The following FGF12 variants were observed in gnomAD, a reference collection of about 807,000 sequenced individuals.
FGF12 encodes fibroblast growth factor 12.
A neutral mutation model predicts 23.6 loss-of-function variants in FGF12; 14 were observed. That is an observed-to-expected ratio of 0.59 (90% CI 0.39 to 0.93). FGF12 has a LOEUF of 0.93. Among genes scored for constraint, FGF12 ranks in the 40% least tolerant of loss-of-function variants. The pLI is 0.00. For synonymous variants in FGF12, 62 were observed against 77.3 expected (o/e 0.80, Z 1.04); for missense variants, 175 against 217.8 (o/e 0.80, Z 1.24).
At chr3:192,463,270 A>G (rs1329363181) in intron 2 of FGF12, among the ~76,000 whole-genome samples, 1 of 152,036 alleles carries the variant, frequency 6.6e-6, no homozygotes, top group Non-Finnish European at 1.5e-5. Context: ...AATACAAAAA[A>G]TTAGCCAGGT....
At chr3:192,425,931 T>A (rs919537287) in intron 2 of FGF12, among the ~76,000 whole-genome samples, 17 of 152,226 alleles carry the variant, frequency 1.1e-4, no homozygotes, top group African/African-American at 4.1e-4. Context: ...ACTGTCTTAC[T>A]ACAACTTTCT....
intron 4 of FGF12, among the ~76,000 whole-genome samples, chr3:192,220,187 CAAGTCAT>C (rs755761736): frequency 6.6e-6 from 1 of 152,078 alleles, no homozygotes; most frequent in Non-Finnish European, 1.5e-5. Context: ...GAATGCAAGC[CAAGTCAT>C]AAACTCATTC....
rs188964725 is a variant in FGF12, at chr3:192,440,472, T to C, written c.14-79934A>G. ...GGGAGAGCAACAATGTGTCAACGTTTCTGGAATAAATGTATAGTGTGATAC... is the reference window on the plus strand; with the variant it reads ...GGGAGAGCAACAATGTGTCAACGTTCCTGGAATAAATGTATAGTGTGATAC... On this transcript the variant is annotated intron_variant, in intron 2 of 5. Coordinates refer to ENST00000445105, the MANE Select transcript of FGF12 (RefSeq NM_004113.6). Among the ~76,000 whole-genome samples the C allele has an allele frequency of 2.0e-5, 3 of 152,278 alleles. No individual in the cohort carries two copies. The East Asian group carries it at 5.8e-4, about 29-fold the overall frequency.
chr3:192,482,577 T>A (rs1186979649), intron 2 of FGF12, among the ~76,000 whole-genome samples: 3 of 152,112 alleles, frequency 2.0e-5, no homozygotes, highest in African/African-American at 7.2e-5. Flanking sequence ...GATGTTGCAA[T>A]GAGCCAAGAT....
chr3:192,408,094 G>C lies in FGF12; in HGVS notation c.14-47556C>G. The C allele has an allele frequency of 6.2e-7, 1 of 1,613,172 alleles. No individual in the cohort carries two copies. The highest frequency in any genetic ancestry group is 8.5e-7 in the Non-Finnish European group (1 of 1,180,012). Reference sequence around the variant, plus strand: ...ACTTTGCTGAACACCCCGAGGACGTGCCTCTCGCACAGGGAGCGCCCGTCT... The same window carrying C: ...ACTTTGCTGAACACCCCGAGGACGTCCCTCTCGCACAGGGAGCGCCCGTCT... On this transcript the variant is annotated intron_variant, in intron 2 of 5. Transcript: ENST00000445105. This position sits in a 1 kb window ranked among gnomAD's most constrained non-coding sequence, Gnocchi z 7.3.
intron 4 of FGF12, among the ~76,000 whole-genome samples, chr3:192,225,446 T>C (rs1718683941): frequency 6.6e-6 from 1 of 152,114 alleles, no homozygotes; most frequent in African/African-American, 2.4e-5. Context: ...ATAATTATAA[T>C]CTTAAAACTC....
At chr3:192,568,367 CA>C (rs897280741) in intron 2 of FGF12, among the ~76,000 whole-genome samples, 8 of 152,144 alleles carry the variant, frequency 5.3e-5, no homozygotes, top group African/African-American at 1.9e-4. Flanking sequence ...TGCATGTACA[CA>C]TTATGGACTC....
At chr3:192,269,841 CT>C (rs1160423430) in intron 4 of FGF12, among the ~76,000 whole-genome samples, 3 of 151,992 alleles carry the variant, frequency 2.0e-5, no homozygotes, top group South Asian at 4.2e-4. Context: ...ACATACAGCT[CT>C]TTTTTTTCTC....
intron 2 of FGF12, among the ~76,000 whole-genome samples, chr3:192,424,743 A>G (rs1290169279): frequency 6.6e-6 from 1 of 152,000 alleles, no homozygotes; most frequent in African/African-American, 2.4e-5. Flanking sequence ...CTTAGCAATG[A>G]TTCACCGTAC....
intron 2 of FGF12, among the ~76,000 whole-genome samples, chr3:192,583,717 T>G (rs1713256734): frequency 6.6e-6 from 1 of 152,186 alleles, no homozygotes; most frequent in African/African-American, 2.4e-5. Flanking sequence ...CTCAGACAGG[T>G]GTCTAGGAGA....
intron 3 of FGF12, among the ~76,000 whole-genome samples, chr3:192,345,761 A>G (rs528502049): frequency 6.6e-6 from 1 of 152,300 alleles, no homozygotes; most frequent in African/African-American, 2.4e-5. Context: ...AAAGTAGGAA[A>G]AACAGACTAT....
chr3:192,246,994 G>GAGAA (rs1388862440), intron 4 of FGF12, among the ~76,000 whole-genome samples: 1 of 144,612 alleles, frequency 6.9e-6, no homozygotes, highest in Non-Finnish European at 1.5e-5. Context: ...AAGGAAGGGA[G>GAGAA]AGAAAGAAAG....
chr3:192,350,045 C>A (rs139632192), intron 3 of FGF12, among the ~76,000 whole-genome samples: 1 of 152,076 alleles, frequency 6.6e-6, no homozygotes, highest in Non-Finnish European at 1.5e-5. Context: ...ACTATTGCTA[C>A]TATCAATGAA....
In FGF12 at chr3:192,305,679, A is replaced by AAAAAT. The variant is rs1423738741; in HGVS notation, c.228+29681_228+29682insATTTT. On this transcript the variant is annotated intron_variant, in intron 4 of 5. Coordinates refer to ENST00000445105, the MANE Select transcript of FGF12 (RefSeq NM_004113.6). ...AAGGTGGCTTAGGAAAAAAAAAAAA[A>AAAAAT]ATATATATATATATATAAATATATA... Among the ~76,000 whole-genome samples, 4 of 131,932 alleles carry AAAAAT rather than the reference A, an allele frequency of 3.0e-5. No individual in the cohort carries two copies. The East Asian group carries it at 6.5e-4, about 21-fold the overall frequency. 86.6% of individuals were successfully genotyped at this position (131,932 alleles called of 152,430 possible).
intron 4 of FGF12, among the ~76,000 whole-genome samples, chr3:192,304,507 GC>G (rs1413698599): frequency 6.6e-6 from 1 of 151,952 alleles, no homozygotes; most frequent in Non-Finnish European, 1.5e-5. Flanking sequence ...ATTCTCTCCT[GC>G]ATAGAAAGGA....
intron 2 of FGF12, among the ~76,000 whole-genome samples, chr3:192,660,543 C>T (rs1016622346): frequency 2.0e-5 from 3 of 150,470 alleles, no homozygotes; most frequent in Non-Finnish European, 1.5e-5. Flanking sequence ...CCAAGTAGGA[C>T]GTAATGTAAA....
At chr3:192,544,092 A>G (rs927706020) in intron 2 of FGF12, among the ~76,000 whole-genome samples, 4 of 152,110 alleles carry the variant, frequency 2.6e-5, no homozygotes, top group African/African-American at 7.2e-5. Flanking sequence ...GGCTGGTCTC[A>G]TTGCTCCCTC....
chr3:192,257,926 G>A (rs961535966), intron 4 of FGF12, among the ~76,000 whole-genome samples: 1 of 151,184 alleles, frequency 6.6e-6, no homozygotes. Flanking sequence ...TGCAGCAAAT[G>A]TTTGAGAATC....
intron 4 of FGF12, among the ~76,000 whole-genome samples, chr3:192,284,492 G>A (rs559332346): frequency 6.6e-5 from 10 of 152,108 alleles, no homozygotes; most frequent in African/African-American, 2.2e-4. Context: ...CCAATGATAT[G>A]AGACTCTAGC....
Sources: gnomAD v4.1 joint callset for allele counts (sites outside exome capture counted in the v4.1 genomes callset) on GRCh38, gnomAD v4.1.1 for gene constraint, Gnocchi (gnomAD v3.1) non-coding constraint, MANE v1.5 for transcripts, NCBI Gene and HGNC (gene_info 2026-07-23, HGNC 2026-07-21) for gene names.